The following DCDC1 variants were observed in gnomAD, a reference collection of about 807,000 sequenced individuals.
DCDC1 encodes the protein doublecortin domain containing 1.
In DCDC1, 200 loss-of-function variants were observed where a neutral mutation model predicts 178.3. The observed-to-expected ratio is 1.12, with a 90% CI of 1.00 to 1.26. The LOEUF (loss-of-function observed/expected upper bound fraction) is 1.26. Among genes scored for constraint, DCDC1 ranks in the 50% most tolerant of loss-of-function variants. The pLI is 0.00. For synonymous variants in DCDC1, 690 were observed against 604.8 expected (o/e 1.14, Z -2.07); for missense variants, 1,983 against 1,749.2 (o/e 1.13, Z -2.38).
chr11:30,922,348 C>T (rs758578153), intron 24 of DCDC1, among the ~76,000 whole-genome samples, 155 bp downstream of exon 24: 4 of 152,194 alleles, frequency 2.6e-5, no homozygotes, highest in Non-Finnish European at 5.9e-5. Context: ...AAATACTCAA[C>T]CCTGTCAAAC....
chr11:31,018,626 T>G (rs1432713195), intron 20 of DCDC1, among the ~76,000 whole-genome samples: 1 of 152,254 alleles, frequency 6.6e-6, no homozygotes, highest in Middle Eastern at 3.4e-3. Context: ...AGTTGAAAAC[T>G]GAGAAAAAGG....
At chr11:31,329,484 G>C (rs890502276) in intron 2 of DCDC1, among the ~76,000 whole-genome samples, 3 of 152,040 alleles carry the variant, frequency 2.0e-5, no homozygotes, top group African/African-American at 7.2e-5. Flanking sequence ...TGCCATGTTG[G>C]TTTGCTGTAC....
At chr11:31,106,156 A>G (rs1472955632) in intron 13 of DCDC1, among the ~76,000 whole-genome samples, 1 of 152,210 alleles carries the variant, frequency 6.6e-6, no homozygotes, top group African/African-American at 2.4e-5. Context: ...CCAATCTACA[A>G]AAATTTACAC....
chr11:31,080,631 AT>A (rs1957114356), intron 17 of DCDC1, among the ~76,000 whole-genome samples: 1 of 152,202 alleles, frequency 6.6e-6, no homozygotes, highest in Non-Finnish European at 1.5e-5. Context: ...CAAAAACAAT[AT>A]TGCTAGTCTT....
chr11:31,152,504 C>T (rs1965273302), intron 9 of DCDC1, among the ~76,000 whole-genome samples: 1 of 152,164 alleles, frequency 6.6e-6, no homozygotes, highest in Non-Finnish European at 1.5e-5. Context: ...CAAGTAAATT[C>T]TAGGAGCATT....
In DCDC1 at chr11:31,069,099, C is replaced by T. The variant is rs987512597; in HGVS notation, c.2299-3946G>A. On this transcript the variant is annotated intron_variant, in intron 18 of 38. Transcript: ENST00000684477. ...ATCTCCTGACCTTGTGATCTGCCCA[C>T]CTCGGCCTCCCAAAGTGCTGGGATT... 1.8e-4 allele frequency among the ~76,000 whole-genome samples: 28 copies of T among 152,124 alleles called. 1 individual carries two copies. The highest frequency in any genetic ancestry group is 6.8e-4 in the African/African-American group (28 of 41,416).
intron 20 of DCDC1, among the ~76,000 whole-genome samples, chr11:30,953,848 T>G (rs1480835590): frequency 6.6e-6 from 1 of 151,808 alleles, no homozygotes; most frequent in Non-Finnish European, 1.5e-5. Flanking sequence ...AATATGTCTT[T>G]GAAATAAAAA....
chr11:31,036,373 C>G (rs1216458284), intron 20 of DCDC1, among the ~76,000 whole-genome samples: 2 of 152,084 alleles, frequency 1.3e-5, no homozygotes, highest in Non-Finnish European at 2.9e-5. Context: ...TGGAATAGTC[C>G]TAGTTCTCCT....
At chr11:31,211,091 A>C (rs1213107571) in intron 9 of DCDC1, among the ~76,000 whole-genome samples, 2 of 152,194 alleles carry the variant, frequency 1.3e-5, no homozygotes, top group African/African-American at 4.8e-5. Context: ...CTTGAGACAA[A>C]GGGACTGCTC....
At chr11:30,974,716 C>CA (rs1950006040) in intron 20 of DCDC1, among the ~76,000 whole-genome samples, 1 of 151,988 alleles carries the variant, frequency 6.6e-6, no homozygotes. Context: ...CAATCAGTAA[C>CA]AAAAAGTCTT....
rs551841695 is a variant in DCDC1, at chr11:31,252,353, A to T, written c.1055-10737T>A. 6.6e-5 allele frequency among the ~76,000 whole-genome samples: 10 copies of T among 152,330 alleles called. No individual in the cohort carries two copies. The South Asian group carries it at 1.4e-3, about 22-fold the overall frequency. On this transcript the variant is annotated intron_variant, in intron 8 of 38. Transcript: ENST00000684477. ...GTTTAGTAGGAATTCATATGTAAAG[A>T]TCTGTTCTCACATCTAAATAACTAG...
chr11:31,296,929 AC>A (rs1947729535), intron 6 of DCDC1, among the ~76,000 whole-genome samples: 1 of 152,198 alleles, frequency 6.6e-6, no homozygotes, highest in African/African-American at 2.4e-5. Context: ...ATTTCAGATT[AC>A]AATTCAATAT....
intron 9 of DCDC1, among the ~76,000 whole-genome samples, chr11:31,164,379 G>T (rs1016534595): frequency 6.6e-6 from 1 of 152,120 alleles, no homozygotes; most frequent in Non-Finnish European, 1.5e-5. Context: ...AGGTGTTTCA[G>T]GAGGTATTCC....
At chr11:31,214,785 G>A (rs1229960003) in intron 9 of DCDC1, among the ~76,000 whole-genome samples, 5 of 151,982 alleles carry the variant, frequency 3.3e-5, no homozygotes, top group Non-Finnish European at 7.4e-5. Flanking sequence ...TTTGTCAAGG[G>A]AAAGAGATTA....
intron 36 of DCDC1, among the ~76,000 whole-genome samples, chr11:30,892,472 C>CAAAT (rs1412493092): frequency 6.6e-6 from 1 of 151,532 alleles, no homozygotes; most frequent in African/African-American, 2.4e-5. Context: ...GACTCTGTCT[C>CAAAT]AAATAAATAA....
At chr11:31,296,474 C>T (rs1364081513) in intron 6 of DCDC1, among the ~76,000 whole-genome samples, 1 of 152,164 alleles carries the variant, frequency 6.6e-6, no homozygotes, top group Non-Finnish European at 1.5e-5. Context: ...CAAACTTTCC[C>T]ACATCTTTCT....
At chr11:30,878,434 A>T in intron 38 of DCDC1, 110 bp downstream of exon 38, 2 of 1,060,760 alleles carry the variant, frequency 1.9e-6, no homozygotes, top group Middle Eastern at 5.0e-4. Flanking sequence ...AGCCTGGGTG[A>T]CAGAGCAAGA....
intron 38 of DCDC1, among the ~76,000 whole-genome samples, chr11:30,866,617 GA>G (rs1180891708): frequency 2.0e-5 from 3 of 152,128 alleles, no homozygotes; most frequent in African/African-American, 7.2e-5. Context: ...CTAAGGAGAG[GA>G]ATGGCACAGA....
chr11:31,361,769 G>A (rs922163825), intron 1 of DCDC1, among the ~76,000 whole-genome samples: 21 of 152,252 alleles, frequency 1.4e-4, no homozygotes, highest in African/African-American at 4.8e-4. Context: ...GCGTGAGCCA[G>A]CGCACCCAGC....
Sources: gnomAD v4.1 joint callset for allele counts (sites outside exome capture counted in the v4.1 genomes callset) on GRCh38, gnomAD v4.1.1 for gene constraint, MANE v1.5 for transcripts, NCBI Gene and HGNC (gene_info 2026-07-23, HGNC 2026-07-21) for gene names.